Variants in ANKS1A observed in about 807,000 individuals in gnomAD.
The protein encoded by ANKS1A is ankyrin repeat and SAM domain-containing protein 1A.
In ANKS1A, 55 loss-of-function variants were observed where a neutral mutation model predicts 120.3. The observed-to-expected ratio is 0.46, with a 90% CI of 0.37 to 0.57. The LOEUF (loss-of-function observed/expected upper bound fraction) is 0.57, where lower values mean the gene tolerates loss of function less well. ANKS1A is among the 20% of genes least tolerant of loss of function. ANKS1A has a pLI of 0.00. For missense variants in ANKS1A, 1,123 were observed against 1,480.3 expected, an observed-to-expected ratio of 0.76 and a Z score of 3.96; for synonymous variants, 590 against 604.7, an observed-to-expected ratio of 0.98 and a Z score of 0.36.
intron 11 of ANKS1A, among the ~76,000 whole-genome samples, chr6:35,053,380 G>A (rs761410702): frequency 2.0e-4 from 30 of 152,228 alleles, no homozygotes; most frequent in Non-Finnish European, 3.8e-4. Context: ...TGGGGGCAGC[G>A]CTGGAGCCAT....
chr6:34,901,757 C>T (rs1407074066), intron 1 of ANKS1A, among the ~76,000 whole-genome samples: 1 of 152,166 alleles, frequency 6.6e-6, no homozygotes, highest in East Asian at 1.9e-4. Context: ...GAGATCTGCC[C>T]ACCTTGGCCT....
At chr6:35,062,204 G>C (rs1437083863) in intron 13 of ANKS1A, among the ~76,000 whole-genome samples, 1 of 152,102 alleles carries the variant, frequency 6.6e-6, no homozygotes, top group East Asian at 1.9e-4. Context: ...AGTCCTTCCA[G>C]GGGCTCTCAG....
At chr6:34,973,454 G>C (rs1771285815) in intron 3 of ANKS1A, among the ~76,000 whole-genome samples, 1 of 152,158 alleles carries the variant, frequency 6.6e-6, no homozygotes, top group African/African-American at 2.4e-5. Context: ...ATTGGGTGAT[G>C]GTGTTAGCCT....
In ANKS1A at chr6:35,063,495, A is replaced by G. The variant is rs868687660; in HGVS notation, c.2184+3242A>G. On this transcript the variant is annotated intron_variant, in intron 13 of 23. Coordinates refer to ENST00000360359, the MANE Select transcript of ANKS1A (RefSeq NM_015245.3). ...GCTAAGTAGATATTTAAAAAACCAC[A>G]TTTTTGAAGAATTGCTAATGTGGGG... Among the ~76,000 whole-genome samples the G allele has an allele frequency of 6.6e-5, 10 of 152,356 alleles. 1 individual carries two copies. Among genetic ancestry groups the G allele is most frequent in the African/African-American group, 1.9e-4 (8 of 41,592 alleles).
At position 35,082,875 on chromosome 6, in the gene ANKS1A, C is replaced by G; in HGVS notation, c.2835+59C>G. 1 of 1,574,722 alleles carries G rather than the reference C, an allele frequency of 6.4e-7. No homozygotes were observed. The highest frequency in any genetic ancestry group is 8.6e-7 in the Non-Finnish European group (1 of 1,161,228). On this transcript the variant is annotated intron_variant, in intron 18 of 23. Transcript: ENST00000360359. The surrounding 1 kb of genome is among the most constrained non-coding windows in gnomAD (Gnocchi z 4.1). ...CTCCCTGCTCCTTCTCGGCCAGGCA[C>G]CTGCGGCCAAGTCCCAGCAGGGACT...
intron 10 of ANKS1A, among the ~76,000 whole-genome samples, chr6:34,999,719 G>A (rs939148836): frequency 6.6e-6 from 1 of 152,048 alleles, no homozygotes; most frequent in African/African-American, 2.4e-5. Flanking sequence ...AAGGCACCCA[G>A]ACCAGTTTCC....
intron 8 of ANKS1A, among the ~76,000 whole-genome samples, chr6:34,987,922 T>C (rs761201568): frequency 2.0e-5 from 3 of 152,230 alleles, no homozygotes; most frequent in Non-Finnish European, 4.4e-5. Flanking sequence ...CCACTGCCTT[T>C]AGTCGGAACA....
chr6:34,936,370 T>C (rs1367963919), intron 1 of ANKS1A, among the ~76,000 whole-genome samples: 2 of 152,212 alleles, frequency 1.3e-5, no homozygotes, highest in Non-Finnish European at 1.5e-5. Context: ...AGGGCCTTTT[T>C]TGCCTTTGTA....
chr6:34,912,184 T>G (rs1432055559), intron 1 of ANKS1A, among the ~76,000 whole-genome samples: 2 of 152,226 alleles, frequency 1.3e-5, no homozygotes, highest in African/African-American at 2.4e-5. Flanking sequence ...AGGTAAACAG[T>G]TTATGTAAGT....
intron 1 of ANKS1A, among the ~76,000 whole-genome samples, chr6:34,966,239 A>G (rs1392093995): frequency 6.6e-6 from 1 of 152,226 alleles, no homozygotes; most frequent in African/African-American, 2.4e-5. Flanking sequence ...ATAAGGTCAT[A>G]ATGGAAATGG....
intron 1 of ANKS1A, among the ~76,000 whole-genome samples, chr6:34,954,986 T>A (rs1362762851): frequency 6.6e-6 from 1 of 152,214 alleles, no homozygotes; most frequent in Non-Finnish European, 1.5e-5. Context: ...ATCACAGCTT[T>A]TAGTTACATC....
chr6:34,896,640 G>A (rs1472882062), intron 1 of ANKS1A, among the ~76,000 whole-genome samples: 2 of 152,106 alleles, frequency 1.3e-5, no homozygotes, highest in African/African-American at 4.8e-5. Context: ...CCCAGCCTGG[G>A]CAACATGGCA....
chr6:34,982,646 G>T lies in ANKS1A; in HGVS notation c.733-106G>T. ...AGATAATGACAGAGGGCTTTGTGTA[G>T]TTTGTTTTATTTTGTGTCCCTTCTT... On this transcript the variant is annotated intron_variant, in intron 4 of 23. Transcript: ENST00000360359. The surrounding 1 kb of genome is among the most constrained non-coding windows in gnomAD (Gnocchi z 4.9). The T allele has an allele frequency of 8.7e-7, 1 of 1,144,288 alleles. No individual in the cohort carries two copies. Among genetic ancestry groups the T allele is most frequent in the Non-Finnish European group, 1.3e-6 (1 of 763,816 alleles). The allele number at this position is 1,144,288 out of a possible 1,614,324, so 70.9% of individuals were successfully genotyped here.
At chr6:35,065,132 C>G (rs1300435808) in intron 13 of ANKS1A, among the ~76,000 whole-genome samples, 2 of 152,242 alleles carry the variant, frequency 1.3e-5, no homozygotes, top group African/African-American at 2.4e-5. Flanking sequence ...GGGAGCCTGA[C>G]CAAGGGCAGC....
Position 34,983,095 on chromosome 6 carries a change from C to T in ANKS1A, c.809-18C>T. The T allele has an allele frequency of 1.2e-6, 2 of 1,610,368 alleles. No homozygotes were observed. Among genetic ancestry groups the T allele is most frequent in the Non-Finnish European group, 1.7e-6 (2 of 1,176,818 alleles). On this transcript the variant is annotated intron_variant, in intron 5 of 23. Transcript: ENST00000360359. ...TGAAAATGCTCACTCCCCTGGTCCA[C>T]CTGGTGTGCCTTTCTAGGAACTGAC...
chr6:35,083,267 C>A, intron 19 of ANKS1A, 41 bp downstream of exon 19: 1 of 1,611,710 alleles, frequency 6.2e-7, no homozygotes, highest in Non-Finnish European at 8.5e-7. Flanking sequence ...GTGGGACTGG[C>A]CAGCAGAAGG....
At chr6:34,937,847 A>T (rs1445435297) in intron 1 of ANKS1A, among the ~76,000 whole-genome samples, 1 of 152,218 alleles carries the variant, frequency 6.6e-6, no homozygotes, top group Non-Finnish European at 1.5e-5. Context: ...CTATAGTGGG[A>T]AAACTTATTA....
rs765788955 is a variant in ANKS1A, at chr6:34,985,203, C to T, written c.1134C>T (p.Ser378=). ...GCCATTCGTTGGACAGCATGGCCAG[C>T]GGGCGATCATCTGACCAAGACTCCA... The part of the protein sequence containing the change: ...ISCHSLDSMA[S]GRSSDQDSTN... Residue 378 remains serine (S), a synonymous_variant, in exon 8 of 24, where the codon AGC becomes AGT. Coordinates refer to ENST00000360359, the MANE Select transcript of ANKS1A (RefSeq NM_015245.3). 9 of 1,614,064 alleles carry T rather than the reference C, an allele frequency of 5.6e-6. No individual in the cohort carries two copies. Among genetic ancestry groups the T allele is most frequent in the Middle Eastern group, 1.6e-4 (1 of 6,084 alleles).
intron 1 of ANKS1A, among the ~76,000 whole-genome samples, chr6:34,931,745 T>TA (rs1334051386): frequency 6.6e-6 from 1 of 152,178 alleles, no homozygotes; most frequent in Non-Finnish European, 1.5e-5. Flanking sequence ...ATACCCCCTA[T>TA]AATCTAGGTG....
Sources: gnomAD v4.1 joint callset for allele counts (sites outside exome capture counted in the v4.1 genomes callset) on GRCh38, gnomAD v4.1.1 for gene constraint, Gnocchi (gnomAD v3.1) non-coding constraint, MANE v1.5 for transcripts, NCBI Gene and HGNC (gene_info 2026-07-23, HGNC 2026-07-21) for gene names.